SYT7: variants seen among roughly 807,000 people sequenced by gnomAD.
SYT7 encodes synaptotagmin-7.
Under a neutral mutation model 75.1 loss-of-function variants are expected in SYT7, and 29 were observed. The observed-to-expected ratio is 0.39, with a 90% CI of 0.29 to 0.53. The LOEUF is 0.53. SYT7 is among the 20% of genes least tolerant of loss of function. The pLI is 0.77. For synonymous variants in SYT7, 376 were observed against 401.7 expected (o/e 0.94, Z 0.76); for missense variants, 693 against 953.2 (o/e 0.73, Z 3.59).
chr11:61,538,346 G>GGAGAGAGAGA (rs58071370), intron 6 of SYT7, 80 bp from the exon 7 acceptor site: 2,987 of 202,262 alleles, frequency 0.015, 27 homozygotes, highest in Admixed American at 0.018. Context: ...GGAGAGAGAG[G>GGAGAGAGAGA]GAGAGAGAGA....
chr11:61,547,358 C>A, intron 3 of SYT7, 50 bp from the exon 4 acceptor site: 2 of 1,530,096 alleles, frequency 1.3e-6, no homozygotes, highest in Non-Finnish European at 1.7e-6. Context: ...CAAGAAGAAA[C>A]AAGAACTGCA....
At chr11:61,567,493 ATAGTGAT>A in intron 1 of SYT7, among the ~76,000 whole-genome samples, 1 of 152,214 alleles carries the variant, frequency 6.6e-6, no homozygotes, top group Non-Finnish European at 1.5e-5. Context: ...GAGACTGTGC[ATAGTGAT>A]TCCGCCTTCC....
intron 2 of SYT7, among the ~76,000 whole-genome samples, chr11:61,554,351 G>A (rs1590912605): frequency 6.6e-6 from 1 of 151,988 alleles, no homozygotes; most frequent in Non-Finnish European, 1.5e-5. Context: ...AGGCCAGGAG[G>A]GTGGGGCAGA....
intron 7 of SYT7, among the ~76,000 whole-genome samples, chr11:61,535,739 G>A (rs912589082): frequency 6.6e-6 from 1 of 152,186 alleles, no homozygotes; most frequent in East Asian, 1.9e-4. Context: ...TGTCTCCCAT[G>A]AGCCTGCTGC....
chr11:61,575,129 G>C (rs1429677355), intron 1 of SYT7, among the ~76,000 whole-genome samples: 2 of 151,866 alleles, frequency 1.3e-5, no homozygotes, highest in African/African-American at 4.8e-5. Context: ...CCCAATCTCT[G>C]ATGCAAGCAG....
At chr11:61,550,700 G>C (rs2063323357) in intron 3 of SYT7, among the ~76,000 whole-genome samples, 2 of 152,192 alleles carry the variant, frequency 1.3e-5, no homozygotes, top group South Asian at 4.1e-4. Context: ...TCCCCCGCCA[G>C]GTGGGTGGGG....
rs1364246616 is a variant in SYT7 at position 61,546,028 on chromosome 11, CACTT to C, written c.571_572+2del. The C allele has an allele frequency of 6.5e-7, 1 of 1,533,184 alleles. No homozygotes were observed. Among genetic ancestry groups the C allele is most frequent in the Non-Finnish European group, 8.7e-7 (1 of 1,145,594 alleles). The allele number at this position is 1,533,184 out of a possible 1,614,324, so 95.0% of individuals were successfully genotyped here. Reference sequence around the variant, plus strand: ...CCGGCAGCCATGGGGCGCCATCACTCACTTGGACAAGTTGAGCTTCCCTGCGGCC... The same window carrying C: ...CCGGCAGCCATGGGGCGCCATCACTCGGACAAGTTGAGCTTCCCTGCGGCC... On this transcript the variant is annotated splice_donor_variant and coding_sequence_variant, in exon 5 of 13. Coordinates refer to ENST00000539008, the MANE Select transcript of SYT7 (RefSeq NM_001365809.2). LOFTEE classifies it high-confidence loss of function. This position sits in a 1 kb window ranked among gnomAD's most constrained non-coding sequence, Gnocchi z 7.6.
intron 1 of SYT7, among the ~76,000 whole-genome samples, chr11:61,564,072 T>C (rs2063706063): frequency 6.6e-6 from 1 of 152,068 alleles, no homozygotes; most frequent in Non-Finnish European, 1.5e-5. Flanking sequence ...AACCCCCTTT[T>C]CTTGGGGATA....
intron 7 of SYT7, among the ~76,000 whole-genome samples, chr11:61,533,949 C>G (rs1234387004): frequency 1.3e-5 from 2 of 152,160 alleles, no homozygotes; most frequent in South Asian, 4.1e-4. Flanking sequence ...AGACGGGCAC[C>G]ACCGAGAAGC....
At position 61,551,359 on chromosome 11, in the gene SYT7, C is replaced by A; in HGVS notation, c.215+25G>T. ...ACCTGGGCTGCTTGTGTGGCCCCAT[C>A]CCAAACTAGCAGCCTGGCACCTACT... On this transcript the variant is annotated intron_variant, in intron 3 of 12. Coordinates refer to ENST00000539008, the MANE Select transcript of SYT7 (RefSeq NM_001365809.2). This position sits in a 1 kb window ranked among gnomAD's most constrained non-coding sequence, Gnocchi z 5.3. The A allele has an allele frequency of 6.2e-7, 1 of 1,612,332 alleles. No homozygotes were observed. Among genetic ancestry groups the A allele is most frequent in the Non-Finnish European group, 8.5e-7 (1 of 1,179,120 alleles).
At chr11:61,560,797 A>G (rs1375129448) in intron 1 of SYT7, among the ~76,000 whole-genome samples, 1 of 152,150 alleles carries the variant, frequency 6.6e-6, no homozygotes, top group African/African-American at 2.4e-5. Context: ...CCAGGGATGC[A>G]CAAAGCCCAT....
chr11:61,547,383 A>G, intron 3 of SYT7, 75 bp from the exon 4 acceptor site: 1 of 1,501,114 alleles, frequency 6.7e-7, no homozygotes, highest in South Asian at 1.2e-5. Context: ...CTGCGGGGGC[A>G]GAAGGGACCA....
In SYT7 at chr11:61,551,161, C is replaced by T. The variant is rs973373131; in HGVS notation, c.215+223G>A. Reference sequence around the variant, plus strand: ...GTGCTGGCGGTGAGGGCAGCGGAAACGGAGGCCAGGGACTCCGGAGCACTA... The same window carrying T: ...GTGCTGGCGGTGAGGGCAGCGGAAATGGAGGCCAGGGACTCCGGAGCACTA... On this transcript the variant is annotated intron_variant, in intron 3 of 12. Transcript: ENST00000539008. This position sits in a 1 kb window ranked among gnomAD's most constrained non-coding sequence, Gnocchi z 5.3. Among the ~76,000 whole-genome samples, 1 of 152,094 alleles carries T rather than the reference C, an allele frequency of 6.6e-6. No individual in the cohort carries two copies. Among genetic ancestry groups the T allele is most frequent in the African/African-American group, 2.4e-5 (1 of 41,410 alleles).
At position 61,546,030 on chromosome 11, in the gene SYT7, C is replaced by T. The variant is rs2063173352; in HGVS notation, c.572+1G>A. On this transcript the variant is annotated splice_donor_variant, in intron 5 of 12. Coordinates refer to ENST00000539008, the MANE Select transcript of SYT7 (RefSeq NM_001365809.2). LOFTEE classifies it high-confidence loss of function. The surrounding 1 kb of genome is among the most constrained non-coding windows in gnomAD (Gnocchi z 7.6). ...GGCAGCCATGGGGCGCCATCACTCA[C>T]TTGGACAAGTTGAGCTTCCCTGCGG... is the stretch of plus-strand genomic sequence containing the variant. 2 of 1,533,318 alleles carry T rather than the reference C, an allele frequency of 1.3e-6. No individual in the cohort carries two copies. The highest frequency in any genetic ancestry group is 1.4e-5 in the African/African-American group (1 of 72,794). 95.0% of individuals were successfully genotyped at this position (1,533,318 alleles called of 1,614,324 possible). A position where few individuals can be genotyped will look rare whatever the true frequency, so the allele number is the denominator to read the frequency against.
rs775524727 is a variant in SYT7, at chr11:61,538,200, G to A, written c.1008C>T (p.Ile336=). 1.4e-5 allele frequency: 22 copies of A among 1,535,950 alleles called. 1 individual carries two copies. The highest frequency in any genetic ancestry group is 7.1e-5 in the South Asian group (6 of 84,064). ...GLSEQDDFAN[I]PDLQNPGTQQ... ...GGGTTCCTGGGTTTTGCAGGTCAGGGATATTGGCAAAGTCATCCTGTTCCG... is the reference window on the plus strand; with the variant it reads ...GGGTTCCTGGGTTTTGCAGGTCAGGAATATTGGCAAAGTCATCCTGTTCCG... The change falls in exon 7 of 13, where the codon ATC becomes ATT. Residue 336 remains isoleucine, a synonymous_variant. Transcript: ENST00000539008.
At chr11:61,558,607 G>A (rs1165037562) in intron 1 of SYT7, among the ~76,000 whole-genome samples, 1 of 152,134 alleles carries the variant, frequency 6.6e-6, no homozygotes, top group Admixed American at 6.5e-5. Context: ...TACCACTCCA[G>A]TGGGGAAGAC....
chr11:61,562,103 C>T (rs2063654186), intron 1 of SYT7, among the ~76,000 whole-genome samples: 2 of 152,128 alleles, frequency 1.3e-5, no homozygotes, highest in South Asian at 4.1e-4. Flanking sequence ...CACTAGGACC[C>T]CTTCTGTTCT....
intron 9 of SYT7, among the ~76,000 whole-genome samples, chr11:61,527,202 G>T (rs1411829097): frequency 6.6e-6 from 1 of 152,192 alleles, no homozygotes; most frequent in East Asian, 1.9e-4. Flanking sequence ...TGTGGTTCCC[G>T]TCCCATGCGG....
At chr11:61,574,566 C>G (rs2064015160) in intron 1 of SYT7, among the ~76,000 whole-genome samples, 1 of 152,054 alleles carries the variant, frequency 6.6e-6, no homozygotes, top group Non-Finnish European at 1.5e-5. Flanking sequence ...ACAAAACCCC[C>G]ATTCCTGGAG....
Sources: allele counts gnomAD v4.1 joint callset (sites outside exome capture counted in the v4.1 genomes callset), GRCh38; gene constraint gnomAD v4.1.1; non-coding constraint Gnocchi (gnomAD v3.1); transcripts MANE v1.5; gene names NCBI Gene and HGNC (gene_info 2026-07-23, HGNC 2026-07-21).